The following MTHFD1L variants were observed in gnomAD, a reference collection of about 807,000 sequenced individuals.
The protein encoded by MTHFD1L is methylenetetrahydrofolate dehydrogenase (NADP+ dependent) 1 like.
In MTHFD1L, 81 loss-of-function variants were observed where a neutral mutation model predicts 119.5. The observed-to-expected ratio is 0.68, with a 90% CI of 0.57 to 0.82. The LOEUF (loss-of-function observed/expected upper bound fraction) is 0.82. MTHFD1L is among the 40% of genes least tolerant of loss of function. The pLI is 0.00. For synonymous variants in MTHFD1L, 430 were observed against 475.2 expected (o/e 0.90, Z 1.24); for missense variants, 1,125 against 1,253.4 (o/e 0.90, Z 1.55).
At chr6:151,060,510 C>T (rs983577270) in intron 26 of MTHFD1L, among the ~76,000 whole-genome samples, 2 of 152,180 alleles carry the variant, frequency 1.3e-5, no homozygotes, top group African/African-American at 4.8e-5. Flanking sequence ...ACAGAGGGAG[C>T]CCCCTGCTCC....
intron 26 of MTHFD1L, among the ~76,000 whole-genome samples, chr6:151,054,399 C>T (rs984655807): frequency 6.6e-6 from 1 of 152,096 alleles, no homozygotes. Context: ...AAACACGCGT[C>T]CATAAATCCT....
intron 27 of MTHFD1L, among the ~76,000 whole-genome samples, chr6:151,096,925 G>A (rs1794938560): frequency 6.6e-6 from 1 of 152,176 alleles, no homozygotes. Context: ...TCTCTGTAGT[G>A]CCTTCACTGT....
At chr6:150,900,676 G>T (rs1177978142) in intron 7 of MTHFD1L, among the ~76,000 whole-genome samples, 1 of 152,158 alleles carries the variant, frequency 6.6e-6, no homozygotes, top group Non-Finnish European at 1.5e-5. Flanking sequence ...ATCTGACTGT[G>T]TGAGCCACAT....
chr6:150,967,800 A>G lies in MTHFD1L; in HGVS notation c.2013+2763A>G, dbSNP rs543482903. Among the ~76,000 whole-genome samples, 18 of 151,982 alleles carry G rather than the reference A, an allele frequency of 1.2e-4. No individual in the cohort carries two copies. The South Asian group carries it at 2.7e-3, about 23-fold the overall frequency. On this transcript the variant is annotated intron_variant, in intron 19 of 27. Coordinates refer to ENST00000367321, the MANE Select transcript of MTHFD1L (RefSeq NM_015440.5). ...CCTGCACGAGTGCAGCAGCCTCCCA[A>G]CCAGTCTCTCTGCTGCTACTCTTTT... is the stretch of plus-strand genomic sequence containing the variant.
At chr6:151,015,022 G>A in intron 23 of MTHFD1L, 42 bp downstream of exon 23, 2 of 1,513,678 alleles carry the variant, frequency 1.3e-6, no homozygotes, top group Middle Eastern at 3.4e-4. Flanking sequence ...ATTATCACTA[G>A]GCCACCCTGT....
At chr6:151,046,467 GTGTGTATATATA>G (rs1427990599) in intron 26 of MTHFD1L, among the ~76,000 whole-genome samples, 8 of 36,104 alleles carry the variant, frequency 2.2e-4, no homozygotes, top group Admixed American at 6.5e-4. Context: ...TAATATGTGT[GTGTGTATATATA>G]TATATATATA....
intron 24 of MTHFD1L, among the ~76,000 whole-genome samples, chr6:151,020,327 C>A (rs925807006): frequency 6.6e-6 from 1 of 152,196 alleles, no homozygotes; most frequent in African/African-American, 2.4e-5. Flanking sequence ...GAGTGGGGCA[C>A]CTGGCTCTCA....
chr6:150,950,856 A>G (rs1334535109), intron 16 of MTHFD1L, among the ~76,000 whole-genome samples: 4 of 151,950 alleles, frequency 2.6e-5, no homozygotes, highest in Non-Finnish European at 5.9e-5. Flanking sequence ...TTTACTAGAG[A>G]TGGGGTTTCA....
intron 5 of MTHFD1L, among the ~76,000 whole-genome samples, chr6:150,884,983 G>A (rs1781991291): frequency 6.6e-6 from 1 of 152,108 alleles, no homozygotes; most frequent in Non-Finnish European, 1.5e-5. Context: ...TGTAACTCTA[G>A]GGATGCTAGT....
Position 150,895,917 on chromosome 6 carries a change from A to G in MTHFD1L, c.780+7936A>G, listed in dbSNP as rs910822332. Reference sequence around the variant, plus strand: ...GCTATGGTGACAGTAATGACAGACAATGTTAATTGACAGAATGGCTACTCT... The same window carrying G: ...GCTATGGTGACAGTAATGACAGACAGTGTTAATTGACAGAATGGCTACTCT... On this transcript the variant is annotated intron_variant, in intron 7 of 27. Coordinates refer to ENST00000367321, the MANE Select transcript of MTHFD1L (RefSeq NM_015440.5). 3.9e-5 allele frequency among the ~76,000 whole-genome samples: 6 copies of G among 152,164 alleles called. No individual in the cohort carries two copies. The East Asian group carries it at 9.6e-4, about 24-fold the overall frequency.
Position 150,949,011 on chromosome 6 carries a change from T to C in MTHFD1L, c.1624-20T>C. The C allele has an allele frequency of 6.3e-7, 1 of 1,595,042 alleles. No individual in the cohort carries two copies. Among genetic ancestry groups the C allele is most frequent in the Non-Finnish European group, 8.6e-7 (1 of 1,163,572 alleles). On this transcript the variant is annotated intron_variant, in intron 15 of 27. Coordinates refer to ENST00000367321, the MANE Select transcript of MTHFD1L (RefSeq NM_015440.5). Reference sequence around the variant, plus strand: ...CTGTTTCTTCTCAAACTTCTCACCTTTTTTCTTCTTAATCATTAGAAACTG... The same window carrying C: ...CTGTTTCTTCTCAAACTTCTCACCTCTTTTCTTCTTAATCATTAGAAACTG...
At chr6:151,012,484 T>C (rs1042832579) in intron 21 of MTHFD1L, among the ~76,000 whole-genome samples, 13 of 152,276 alleles carry the variant, frequency 8.5e-5, no homozygotes, top group African/African-American at 2.9e-4. Flanking sequence ...TTGTTTTTTT[T>C]CCATAATTTG....
At chr6:151,099,662 G>A (rs1042668308) in intron 27 of MTHFD1L, 29 of 1,604,954 alleles carry the variant, frequency 1.8e-5, no homozygotes, top group East Asian at 4.5e-5. Flanking sequence ...AACAGGGTTC[G>A]TAGAAGATTC....
Position 150,865,897 on chromosome 6 carries a change from C to T in MTHFD1L, c.75C>T (p.Leu25=). ...PPQPPGPPRR[L]RVPCRASSGG... is the part of the protein sequence containing the mutation. ...AGCCCCCGGGCCCTCCGCGCCGCCT[C>T]CGTGTGCCCTGTCGCGCTAGCAGCG... is the stretch of plus-strand genomic sequence containing the variant. Residue 25 remains leucine (L), a synonymous_variant, in exon 1 of 28, where the codon CTC becomes CTT. Coordinates refer to ENST00000367321, the MANE Select transcript of MTHFD1L (RefSeq NM_015440.5). 4 of 1,196,390 alleles carry T rather than the reference C, an allele frequency of 3.3e-6. No individual in the cohort carries two copies. The highest frequency in any genetic ancestry group is 4.1e-6 in the Non-Finnish European group (4 of 968,490). The allele number at this position is 1,196,390 out of a possible 1,614,324, so 74.1% of individuals were successfully genotyped here. A position where few individuals can be genotyped will look rare whatever the true frequency, so the allele number is the denominator to read the frequency against.
At chr6:151,070,663 T>G (rs1454788390) in intron 26 of MTHFD1L, among the ~76,000 whole-genome samples, 1 of 152,250 alleles carries the variant, frequency 6.6e-6, no homozygotes. Flanking sequence ...GTACTCAATA[T>G]ATAAATGAAT....
intron 26 of MTHFD1L, among the ~76,000 whole-genome samples, chr6:151,063,261 A>G (rs1562617334): frequency 6.6e-6 from 1 of 152,208 alleles, no homozygotes; most frequent in Non-Finnish European, 1.5e-5. Context: ...GGAGGATATC[A>G]TCAAGTAGGT....
At chr6:150,945,667 C>T (rs1583710294) in intron 15 of MTHFD1L, 126 bp downstream of exon 15, 5 of 837,088 alleles carry the variant, frequency 6.0e-6, no homozygotes, top group Middle Eastern at 3.3e-4. Context: ...GGGTATTAAA[C>T]TCTATAGAGA....
rs1156377344 is a variant in MTHFD1L, at chr6:151,046,471, G to GTATATATA, written c.2847+9391_2847+9398dup. On this transcript the variant is annotated intron_variant, in intron 26 of 27. Transcript: ENST00000367321. ...ATATATATATATAATATGTGTGTGT[G>GTATATATA]TATATATATATATATATATATATAT... is the stretch of plus-strand genomic sequence containing the variant. Among the ~76,000 whole-genome samples, 52 of 36,420 alleles carry GTATATATA rather than the reference G, an allele frequency of 1.4e-3. 1 individual carries two copies. Among genetic ancestry groups the GTATATATA allele is most frequent in the South Asian group, 2.6e-3 (2 of 760 alleles). 23.9% of individuals were successfully genotyped at this position (36,420 alleles called of 152,430 possible). A position where few individuals can be genotyped will look rare whatever the true frequency, so the allele number is the denominator to read the frequency against.
At chr6:151,030,049 C>T (rs1785118398) in intron 24 of MTHFD1L, among the ~76,000 whole-genome samples, 1 of 152,196 alleles carries the variant, frequency 6.6e-6, no homozygotes, top group Admixed American at 6.5e-5. Context: ...CCCTACCGTT[C>T]TCACTCCATA....
Sources: gnomAD v4.1 joint callset for allele counts (sites outside exome capture counted in the v4.1 genomes callset) on GRCh38, gnomAD v4.1.1 for gene constraint, MANE v1.5 for transcripts, NCBI Gene and HGNC (gene_info 2026-07-23, HGNC 2026-07-21) for gene names.